CHD9: variants seen among roughly 807,000 people sequenced by gnomAD.
The protein encoded by CHD9 is chromodomain helicase DNA binding protein 9.
CHD9 carries 77 observed loss-of-function variants against 316.1 expected under a neutral mutation model. The observed-to-expected ratio is 0.24, with a 90% CI of 0.20 to 0.29. The LOEUF (loss-of-function observed/expected upper bound fraction) is 0.29. Ranked by LOEUF, CHD9 falls within the 10% of genes least tolerant of loss-of-function variation. The probability of loss-of-function intolerance (pLI) is 1.00; values close to 1 mark genes in which losing one functional copy is unlikely to be tolerated. For missense variants in CHD9, 2,763 were observed against 3,438.1 expected, an observed-to-expected ratio of 0.80 and a Z score of 4.91; for synonymous variants, 1,129 against 1,158.3, an observed-to-expected ratio of 0.97 and a Z score of 0.51.
chr16:53,095,651 A>G (rs909059993), intron 1 of CHD9, among the ~76,000 whole-genome samples: 4 of 152,234 alleles, frequency 2.6e-5, no homozygotes, highest in Non-Finnish European at 5.9e-5. Context: ...AAACTCACCC[A>G]TAGCGTAGCA....
intron 21 of CHD9, 133 bp downstream of exon 21, chr16:53,267,623 G>A: frequency 1.5e-6 from 1 of 668,750 alleles, no homozygotes; most frequent in South Asian, 2.7e-5. Context: ...TCTATTTTTA[G>A]CATATATTTA....
intron 1 of CHD9, among the ~76,000 whole-genome samples, chr16:53,094,646 T>TA (rs1401061652): frequency 6.6e-6 from 1 of 150,398 alleles, no homozygotes; most frequent in Non-Finnish European, 1.5e-5. Context: ...TTTTTCTTTT[T>TA]TTTTTTTTTT....
At position 53,267,415 on chromosome 16, in the gene CHD9, G is replaced by A. The variant is rs750009284; in HGVS notation, c.4442G>A (p.Arg1481Gln). The change falls in exon 21 of 39, where the codon CGG (arginine) becomes CAG (glutamine). Residue 1481 changes from arginine to glutamine, a missense_variant. This residue lies in a region of CHD9 where 199 missense variants were observed against 251.7 expected (regional missense o/e 0.79). Coordinates refer to ENST00000447540, the MANE Select transcript of CHD9 (RefSeq NM_001308319.2). ...ESEGDEKPKL[R>Q]RPCDRSNGYG... is the part of the protein sequence containing the mutation. Reference sequence around the variant, plus strand: ...GAAGGAGATGAAAAGCCCAAACTCCGGAGACCCTGTGACCGTTCCAATGGC... The same window carrying A: ...GAAGGAGATGAAAAGCCCAAACTCCAGAGACCCTGTGACCGTTCCAATGGC... The A allele has an allele frequency of 6.0e-5, 97 of 1,612,870 alleles. No homozygotes were observed. The East Asian group carries it at 1.1e-3, about 18-fold the overall frequency.
At chr16:53,186,084 C>T (rs919514857) in intron 2 of CHD9, among the ~76,000 whole-genome samples, 12 of 152,146 alleles carry the variant, frequency 7.9e-5, no homozygotes, top group Non-Finnish European at 1.6e-4. Context: ...CACCATCCTC[C>T]AGACCCCAAA....
chr16:53,130,024 GTCTC>G lies in CHD9; in HGVS notation c.-164-25894_-164-25891del, dbSNP rs773761130. ...ACCAGTATCACCCTCCCCCACGGCTGTCTCTCTCTCTTCTTAAATTCTTGCGTTT... is the reference window on the plus strand; with the variant it reads ...ACCAGTATCACCCTCCCCCACGGCTGTCTCTCTTCTTAAATTCTTGCGTTT... On this transcript the variant is annotated intron_variant, in intron 1 of 38. Coordinates refer to ENST00000447540, the MANE Select transcript of CHD9 (RefSeq NM_001308319.2). Among the ~76,000 whole-genome samples the G allele has an allele frequency of 8.5e-5, 13 of 152,266 alleles. No homozygotes were observed. In the East Asian group the frequency reaches 2.5e-3, roughly 29 times the overall value.
chr16:53,114,922 T>TTTGA (rs57878146), intron 1 of CHD9, among the ~76,000 whole-genome samples: 6,682 of 151,768 alleles, frequency 0.044, 437 homozygotes, highest in African/African-American at 0.14. Context: ...AGCACAAGTA[T>TTTGA]TTGATTGATT....
chr16:53,241,432 T>C (rs2152948338), intron 12 of CHD9, among the ~76,000 whole-genome samples: 1 of 152,362 alleles, frequency 6.6e-6, no homozygotes, highest in Middle Eastern at 3.4e-3. Flanking sequence ...GAATACCATC[T>C]GTACTGCTGA....
chr16:53,222,764 T>TA lies in CHD9; in HGVS notation c.1896+10dup, dbSNP rs553109810. 2.0e-4 allele frequency: 268 copies of TA among 1,319,076 alleles called. 1 individual carries two copies. Among genetic ancestry groups the TA allele is most frequent in the Middle Eastern group, 3.7e-4 (2 of 5,456 alleles). The allele number at this position is 1,319,076 out of a possible 1,614,324, so 81.7% of individuals were successfully genotyped here. ...AAGATCAAGACTCTCAAGTGAGTATTACAATTTTTTCTAGAAATGAAACAC... is the reference window on the plus strand; with the variant it reads ...AAGATCAAGACTCTCAAGTGAGTATTAACAATTTTTTCTAGAAATGAAACAC... On this transcript the variant is annotated intron_variant, in intron 4 of 38. Transcript: ENST00000447540.
At position 53,242,706 on chromosome 16, in the gene CHD9, G is replaced by C. The variant is rs1307947961; in HGVS notation, c.2878-134G>C. ...AGTTTCAATGATAAAAGTTTTCATT[G>C]TAAGGGAGTGTCTGCATATGTAAAA... On this transcript the variant is annotated intron_variant, in intron 12 of 38. Coordinates refer to ENST00000447540, the MANE Select transcript of CHD9 (RefSeq NM_001308319.2). 69 of 710,574 alleles carry C rather than the reference G, an allele frequency of 9.7e-5. 1 individual carries two copies. Among genetic ancestry groups the C allele is most frequent in the Non-Finnish European group, 2.2e-5 (9 of 418,258 alleles). The allele number at this position is 710,574 out of a possible 1,614,324, so 44.0% of individuals were successfully genotyped here.
Position 53,262,977 on chromosome 16 carries a change from T to A in CHD9, c.4210-10T>A. 6.2e-7 allele frequency: 1 copy of A among 1,605,526 alleles called. No homozygotes were observed. The highest frequency in any genetic ancestry group is 1.7e-5 in the Admixed American group (1 of 59,840). ...GATTTTTCCTCTAAAACTGCCATTA[T>A]ATATTTCAGGCGAGTTTTGTGGCAT... On this transcript the variant is annotated splice_polypyrimidine_tract_variant and intron_variant, in intron 19 of 38. Coordinates refer to ENST00000447540, the MANE Select transcript of CHD9 (RefSeq NM_001308319.2).
At chr16:53,181,670 G>A (rs2043530500) in intron 2 of CHD9, among the ~76,000 whole-genome samples, 2 of 152,110 alleles carry the variant, frequency 1.3e-5, no homozygotes, top group African/African-American at 2.4e-5. Flanking sequence ...TGTAACACAA[G>A]TTTAATGTCT....
rs780783567 is a variant in CHD9, at chr16:53,326,438, A to G, written c.*1543A>G. Reference sequence around the variant, plus strand: ...CTGTTGCTTTGTCATGAGTTAGTCAATTGTATCAGGTTTTCCAAGACCTTT... The same window carrying G: ...CTGTTGCTTTGTCATGAGTTAGTCAGTTGTATCAGGTTTTCCAAGACCTTT... On this transcript the variant is annotated 3_prime_UTR_variant, in exon 39 of 39. Coordinates refer to ENST00000447540, the MANE Select transcript of CHD9 (RefSeq NM_001308319.2). The G allele has an allele frequency of 2.6e-5, 4 of 152,498 alleles. No individual in the cohort carries two copies. Among genetic ancestry groups the G allele is most frequent in the East Asian group, 1.9e-4 (1 of 5,200 alleles). The allele number at this position is 152,498 out of a possible 1,614,324, so 9.4% of individuals were successfully genotyped here. A position where few individuals can be genotyped will look rare whatever the true frequency, so the allele number is the denominator to read the frequency against.
chr16:53,167,248 C>T (rs775251262), intron 2 of CHD9, among the ~76,000 whole-genome samples: 2 of 152,100 alleles, frequency 1.3e-5, no homozygotes, highest in Non-Finnish European at 1.5e-5. Context: ...CTTTACTGTA[C>T]CTTGTCAAAT....
At chr16:53,302,166 T>G (rs1328085525) in intron 30 of CHD9, among the ~76,000 whole-genome samples, 1 of 152,216 alleles carries the variant, frequency 6.6e-6, no homozygotes, top group African/African-American at 2.4e-5. Flanking sequence ...CCTATTTTAA[T>G]TTTACCAGTT....
chr16:53,100,290 G>A (rs1415206525), intron 1 of CHD9, among the ~76,000 whole-genome samples: 1 of 152,160 alleles, frequency 6.6e-6, no homozygotes, highest in East Asian at 1.9e-4. Flanking sequence ...GTTGCTGCCT[G>A]TACAGTCTTT....
intron 28 of CHD9, among the ~76,000 whole-genome samples, chr16:53,292,606 T>C (rs540551316): frequency 3.2e-4 from 49 of 152,342 alleles, no homozygotes; most frequent in African/African-American, 1.2e-3. Flanking sequence ...AGAGTTGTAT[T>C]TGCTGTGCAA....
At chr16:53,057,991 C>T (rs2032366794) in intron 1 of CHD9, among the ~76,000 whole-genome samples, 1 of 152,178 alleles carries the variant, frequency 6.6e-6, no homozygotes, top group African/African-American at 2.4e-5. Context: ...TGCGATGTGC[C>T]TTACAGAGAA....
At chr16:53,184,251 C>CTCTA (rs10684310) in intron 2 of CHD9, among the ~76,000 whole-genome samples, 74,738 of 151,592 alleles carry the variant, frequency 0.49, 19,221 homozygotes, top group African/African-American at 0.62. Flanking sequence ...TTAATCTTAT[C>CTCTA]TCAATCACTA....
intron 2 of CHD9, among the ~76,000 whole-genome samples, chr16:53,171,884 ACACAC>A (rs2042776326): frequency 7.0e-6 from 1 of 143,294 alleles, no homozygotes; most frequent in Non-Finnish European, 1.5e-5. Context: ...ACACACACAC[ACACAC>A]ACACACACAC....
Sources: allele counts gnomAD v4.1 joint callset (sites outside exome capture counted in the v4.1 genomes callset), GRCh38; gene constraint gnomAD v4.1.1; regional missense constraint gnomAD v4.1.1; transcripts MANE v1.5; gene names NCBI Gene and HGNC (gene_info 2026-07-23, HGNC 2026-07-21).